Variants in INO80 observed in about 807,000 individuals in gnomAD.
INO80 encodes chromatin-remodeling ATPase INO80.
A neutral mutation model predicts 203.4 loss-of-function variants in INO80; 20 were observed. That is an observed-to-expected ratio of 0.10 (90% CI 0.07 to 0.14). The LOEUF (loss-of-function observed/expected upper bound fraction) is 0.14. Among genes scored for constraint, INO80 ranks in the 10% least tolerant of loss-of-function variants. The pLI is 1.00. For synonymous variants in INO80, 726 were observed against 685.2 expected (o/e 1.06, Z -0.93); for missense variants, 1,419 against 1,914.4 (o/e 0.74, Z 4.83).
chr15:41,115,943 C>A (rs983459205), intron 1 of INO80, 30 bp downstream of exon 1: 3 of 380,998 alleles, frequency 7.9e-6, no homozygotes, highest in Non-Finnish European at 1.4e-5. Flanking sequence ...ACCCCCACTC[C>A]GTTCGCCCGC....
At chr15:41,068,028 C>G (rs2045250302) in intron 14 of INO80, among the ~76,000 whole-genome samples, 1 of 152,212 alleles carries the variant, frequency 6.6e-6, no homozygotes, top group Admixed American at 6.5e-5. Context: ...CTACTTCAAC[C>G]TGAATTCTTT....
intron 25 of INO80, among the ~76,000 whole-genome samples, chr15:41,023,574 G>A (rs1429203836): frequency 6.6e-6 from 1 of 151,678 alleles, no homozygotes. Context: ...TTCGAGACTG[G>A]CCTGGCCAAC....
intron 29 of INO80, 111 bp from the exon 30 acceptor site, chr15:40,988,085 G>A (rs749105481): frequency 1.4e-5 from 12 of 831,034 alleles, no homozygotes; most frequent in East Asian, 5.0e-5. Flanking sequence ...GGTCTGATTC[G>A]TTTCTATGAT....
Position 41,023,496 on chromosome 15 carries a change from C to T in INO80, c.3049-2371G>A, listed in dbSNP as rs145209919. ...AGTCTTCTCTAGTAAGACTAAAGCGCGGTGGCTCACACCTGTAATCCCAGC... is the reference window on the plus strand; with the variant it reads ...AGTCTTCTCTAGTAAGACTAAAGCGTGGTGGCTCACACCTGTAATCCCAGC... On this transcript the variant is annotated intron_variant, in intron 25 of 35. Transcript: ENST00000648947. The T allele has an allele frequency of 1.1e-3, 339 of 318,006 alleles. 2 individuals are homozygous for T. The highest frequency in any genetic ancestry group is 6.6e-3 in the African/African-American group (295 of 44,790). 19.7% of individuals were successfully genotyped at this position (318,006 alleles called of 1,614,324 possible). A position where few individuals can be genotyped will look rare whatever the true frequency, so the allele number is the denominator to read the frequency against.
chr15:40,999,428 G>C (rs567150265), intron 28 of INO80: 188 of 152,242 alleles, frequency 1.2e-3, no homozygotes, highest in African/African-American at 4.5e-3. Flanking sequence ...AAACATCCTG[G>C]TTAATCACTA....
intron 14 of INO80, among the ~76,000 whole-genome samples, chr15:41,068,107 A>AG (rs780681143): frequency 1.1e-4 from 17 of 152,192 alleles, no homozygotes; most frequent in Non-Finnish European, 1.9e-4. Flanking sequence ...CTAAGACTAG[A>AG]GATCAGACTT....
chr15:41,101,925 C>T (rs1003874306), intron 1 of INO80, among the ~76,000 whole-genome samples: 1 of 151,830 alleles, frequency 6.6e-6, no homozygotes. Context: ...GGCATGGTGG[C>T]TCATGCCTGT....
intron 11 of INO80, among the ~76,000 whole-genome samples, chr15:41,072,905 C>T (rs1034215722): frequency 2.9e-4 from 44 of 151,618 alleles, no homozygotes; most frequent in Non-Finnish European, 3.4e-4. Flanking sequence ...CTCAGCCTCC[C>T]GAGTAGCTGG....
intron 23 of INO80, among the ~76,000 whole-genome samples, chr15:41,047,147 T>TA (rs1296694532): frequency 6.6e-6 from 1 of 151,238 alleles, no homozygotes; most frequent in Non-Finnish European, 1.5e-5. Flanking sequence ...TTGTATTTTT[T>TA]AGAGATGGGG....
chr15:41,098,479 A>C (rs1596326386), intron 1 of INO80, among the ~76,000 whole-genome samples: 1 of 152,148 alleles, frequency 6.6e-6, no homozygotes, highest in African/African-American at 2.4e-5. Context: ...AAACAAGATC[A>C]ACCTGGGCAA....
intron 1 of INO80, among the ~76,000 whole-genome samples, chr15:41,098,183 T>A (rs1009531795): frequency 3.3e-5 from 5 of 152,138 alleles, no homozygotes; most frequent in African/African-American, 1.2e-4. Context: ...CAATCATACA[T>A]CTTTGAGTTG....
At chr15:41,001,094 T>C (rs2043953625) in intron 28 of INO80, among the ~76,000 whole-genome samples, 2 of 152,162 alleles carry the variant, frequency 1.3e-5, no homozygotes, top group Admixed American at 1.3e-4. Context: ...TACTAAGAAG[T>C]TCCTTTCTAC....
At chr15:41,007,453 G>T (rs374945853) in intron 27 of INO80, among the ~76,000 whole-genome samples, 3 of 152,134 alleles carry the variant, frequency 2.0e-5, no homozygotes, top group South Asian at 2.1e-4. Flanking sequence ...AAAGTGTTGG[G>T]ATTACAGGTG....
intron 16 of INO80, among the ~76,000 whole-genome samples, chr15:41,057,793 A>ATC (rs2045016395): frequency 7.2e-6 from 1 of 139,214 alleles, no homozygotes; most frequent in Non-Finnish European, 1.5e-5. Flanking sequence ...GTGAAACTAC[A>ATC]TCTCAAAAAA....
intron 27 of INO80, among the ~76,000 whole-genome samples, chr15:41,006,183 G>A (rs946341461): frequency 1.3e-5 from 2 of 152,092 alleles, no homozygotes; most frequent in Admixed American, 6.6e-5. Context: ...GGAGGCCTAA[G>A]CATCAGAGTA....
At position 41,106,400 on chromosome 15, in the gene INO80, A is replaced by AG. The variant is rs1396470831; in HGVS notation, c.-44+9572_-44+9573insC. 1.2e-4 allele frequency among the ~76,000 whole-genome samples: 18 copies of AG among 149,306 alleles called. No homozygotes were observed. The South Asian group carries it at 1.3e-3, about 11-fold the overall frequency. On this transcript the variant is annotated intron_variant, in intron 1 of 35. Transcript: ENST00000648947. ...CCCTGTCTCAAAAAAAAAAAAAAAA[A>AG]AGAGAAAGAAAGAAAAAAATTAGAT... is the stretch of plus-strand genomic sequence containing the variant.
At chr15:41,028,094 A>G (rs2044403831) in intron 24 of INO80, among the ~76,000 whole-genome samples, 2 of 152,116 alleles carry the variant, frequency 1.3e-5, no homozygotes, top group South Asian at 4.1e-4. Context: ...ATGCAAACTC[A>G]TGTCTTGTGT....
At chr15:41,112,607 G>GTGAAA (rs1206810218) in intron 1 of INO80, among the ~76,000 whole-genome samples, 1 of 151,790 alleles carries the variant, frequency 6.6e-6, no homozygotes, top group African/African-American at 2.4e-5. Context: ...GCCAAACATG[G>GTGAAA]TGAAACCCCA....
chr15:41,086,670 T>G (rs1411617771), intron 6 of INO80, among the ~76,000 whole-genome samples: 1 of 150,272 alleles, frequency 6.7e-6, no homozygotes, highest in Non-Finnish European at 1.5e-5. Context: ...AAAAAAGAAA[T>G]TAATACTTTC....
Sources: gnomAD v4.1 joint callset for allele counts (sites outside exome capture counted in the v4.1 genomes callset) on GRCh38, gnomAD v4.1.1 for gene constraint, MANE v1.5 for transcripts, NCBI Gene and HGNC (gene_info 2026-07-23, HGNC 2026-07-21) for gene names.